Variants in BACH2 observed in about 807,000 individuals in gnomAD.
BACH2 encodes transcription regulator protein BACH2.
Under a neutral mutation model 61.8 loss-of-function variants are expected in BACH2, and 5 were observed. The observed-to-expected ratio is 0.08, with a 90% confidence interval of 0.04 to 0.17. BACH2 has a LOEUF of 0.17. Among genes scored for constraint, BACH2 ranks in the 10% least tolerant of loss-of-function variants. The pLI, the probability that BACH2 is intolerant of heterozygous loss-of-function variation, is 1.00. For synonymous variants in BACH2, 446 were observed against 440.1 expected (o/e 1.01, Z -0.17); for missense variants, 824 against 1,091.1 (o/e 0.76, Z 3.45).
intron 6 of BACH2, among the ~76,000 whole-genome samples, chr6:90,006,767 C>A (rs1267258446): frequency 6.6e-6 from 1 of 152,056 alleles, no homozygotes; most frequent in African/African-American, 2.4e-5. Flanking sequence ...CAGGTGTGTG[C>A]CACCACCTCT....
chr6:90,024,061 T>A (rs536913888), intron 5 of BACH2, among the ~76,000 whole-genome samples: 4 of 152,314 alleles, frequency 2.6e-5, no homozygotes, highest in African/African-American at 9.6e-5. Flanking sequence ...TGTTGCATGC[T>A]CTATTTCTTG....
chr6:90,228,259 T>C (rs1769980143), intron 3 of BACH2, among the ~76,000 whole-genome samples: 1 of 152,198 alleles, frequency 6.6e-6, no homozygotes, highest in African/African-American at 2.4e-5. Context: ...ACCATATCAC[T>C]ATCTATCTGT....
intron 4 of BACH2, among the ~76,000 whole-genome samples, chr6:90,123,702 G>A (rs554027319): frequency 0.02 from 2,929 of 146,228 alleles, 101 homozygotes; most frequent in African/African-American, 0.072. Flanking sequence ...CCCGGGAGGC[G>A]GAGCTTGCAG....
chr6:90,094,552 C>T (rs1191292669), intron 4 of BACH2, among the ~76,000 whole-genome samples: 2 of 152,238 alleles, frequency 1.3e-5, no homozygotes, highest in South Asian at 4.1e-4. Context: ...AGAAAAAACA[C>T]AAAACATGAT....
intron 6 of BACH2, among the ~76,000 whole-genome samples, chr6:89,958,491 T>C (rs1774551391): frequency 1.3e-5 from 2 of 152,362 alleles, no homozygotes; most frequent in South Asian, 2.1e-4. Flanking sequence ...GCCTGCCTTA[T>C]AGTAAAACCT....
intron 3 of BACH2, among the ~76,000 whole-genome samples, chr6:90,239,845 G>C: frequency 8.6e-6 from 1 of 115,732 alleles, no homozygotes; most frequent in African/African-American, 3.4e-5. Context: ...ACACACACAC[G>C]CTGACTATTC....
At chr6:90,066,832 T>TGGGCA (rs1264661335) in intron 5 of BACH2, among the ~76,000 whole-genome samples, 1 of 152,218 alleles carries the variant, frequency 6.6e-6, no homozygotes, top group East Asian at 1.9e-4. Flanking sequence ...ACTGCTAGAA[T>TGGGCA]GGGCAGGGCA....
At chr6:90,158,016 G>A (rs1037443116) in intron 4 of BACH2, among the ~76,000 whole-genome samples, 2 of 152,132 alleles carry the variant, frequency 1.3e-5, no homozygotes, top group South Asian at 4.1e-4. Flanking sequence ...CTGAGGGGGA[G>A]GTGATGCCTC....
chr6:90,069,969 A>G (rs1781149032), intron 5 of BACH2, among the ~76,000 whole-genome samples: 1 of 151,494 alleles, frequency 6.6e-6, no homozygotes, highest in Non-Finnish European at 1.5e-5. Context: ...GAGAAAGGAC[A>G]CTCCTCTCCT....
chr6:89,954,944 C>G (rs1774345884), intron 6 of BACH2, among the ~76,000 whole-genome samples: 1 of 152,232 alleles, frequency 6.6e-6, no homozygotes, highest in Non-Finnish European at 1.5e-5. Context: ...TCATAACTAG[C>G]TCTTCTCCCA....
intron 1 of BACH2, among the ~76,000 whole-genome samples, chr6:90,287,094 T>A (rs1259353934): frequency 2.6e-5 from 4 of 152,068 alleles, no homozygotes; most frequent in Non-Finnish European, 5.9e-5. Context: ...GATGGAGCCA[T>A]CAACTCAACA....
intron 4 of BACH2, among the ~76,000 whole-genome samples, chr6:90,140,886 C>A (rs530366652): frequency 6.6e-6 from 1 of 152,284 alleles, no homozygotes; most frequent in Non-Finnish European, 1.5e-5. Flanking sequence ...CCTGACTCAG[C>A]AATTCTATTT....
chr6:90,208,288 GT>G (rs1769220400), intron 3 of BACH2, among the ~76,000 whole-genome samples: 1 of 151,658 alleles, frequency 6.6e-6, no homozygotes, highest in Non-Finnish European at 1.5e-5. Context: ...ATGGGAGAAA[GT>G]TTTTGCAATC....
At chr6:90,037,166 G>A (rs1024542345) in intron 5 of BACH2, among the ~76,000 whole-genome samples, 5 of 152,130 alleles carry the variant, frequency 3.3e-5, no homozygotes, top group Non-Finnish European at 4.4e-5. Flanking sequence ...CACACCCTGC[G>A]GCTGTTACTC....
chr6:90,254,228 G>C (rs1770904820), intron 2 of BACH2, among the ~76,000 whole-genome samples: 1 of 150,596 alleles, frequency 6.6e-6, no homozygotes, highest in African/African-American at 2.4e-5. Context: ...AAGAGTTGAT[G>C]AATAGAAATA....
intron 5 of BACH2, among the ~76,000 whole-genome samples, chr6:90,018,096 T>C (rs1225059910): frequency 1.3e-5 from 2 of 152,228 alleles, no homozygotes; most frequent in Admixed American, 6.5e-5. Flanking sequence ...ACCCCTGATA[T>C]ATGTGTTTTC....
At chr6:90,259,858 T>C (rs1771101457) in intron 2 of BACH2, among the ~76,000 whole-genome samples, 1 of 152,178 alleles carries the variant, frequency 6.6e-6, no homozygotes, top group East Asian at 1.9e-4. Flanking sequence ...GGCATATAAT[T>C]GTTCGTAATA....
At chr6:90,066,811 T>C (rs1582301161) in intron 5 of BACH2, among the ~76,000 whole-genome samples, 1 of 152,242 alleles carries the variant, frequency 6.6e-6, no homozygotes, top group African/African-American at 2.4e-5. Context: ...CCAGGAATTG[T>C]GAGTGAGGCA....
chr6:90,121,859 T>C (rs1304314069), intron 4 of BACH2, among the ~76,000 whole-genome samples: 2 of 152,140 alleles, frequency 1.3e-5, no homozygotes, highest in African/African-American at 4.8e-5. Context: ...TTTGCATATT[T>C]TAAACAAAGA....
Sources: gnomAD v4.1 joint callset for allele counts (sites outside exome capture counted in the v4.1 genomes callset) on GRCh38, gnomAD v4.1.1 for gene constraint, MANE v1.5 for transcripts, NCBI Gene and HGNC (gene_info 2026-07-23, HGNC 2026-07-21) for gene names.